The following SLC25A26 variants were observed in gnomAD, a reference collection of about 807,000 sequenced individuals.
SLC25A26 encodes the protein solute carrier family 25 member 26, also known as mitochondrial S-adenosylmethionine carrier protein.
SLC25A26 carries 36 observed loss-of-function variants against 37.8 expected under a neutral mutation model. The observed-to-expected ratio is 0.95, with a 90% CI of 0.73 to 1.26. SLC25A26 has a LOEUF of 1.26. Among genes scored for constraint, SLC25A26 ranks in the 50% most tolerant of loss-of-function variants. The pLI is 0.00. For synonymous variants in SLC25A26, 129 were observed against 122.5 expected (o/e 1.05, Z -0.35); for missense variants, 390 against 331.1 (o/e 1.18, Z -1.38).
intron 5 of SLC25A26, among the ~76,000 whole-genome samples, chr3:66,266,513 A>C (rs1263703981): frequency 1.3e-5 from 2 of 150,446 alleles, no homozygotes; most frequent in East Asian, 3.9e-4. Context: ...ATGAGATTGA[A>C]GTTTGAGTCC....
intron 1 of SLC25A26, among the ~76,000 whole-genome samples, chr3:66,224,233 G>T (rs782763270): frequency 6.6e-6 from 1 of 152,152 alleles, no homozygotes; most frequent in Admixed American, 6.5e-5. Context: ...GGATTACATC[G>T]TGTTAGTCTG....
At chr3:66,332,915 G>A (rs938817805) in intron 5 of SLC25A26, among the ~76,000 whole-genome samples, 3 of 152,206 alleles carry the variant, frequency 2.0e-5, no homozygotes, top group East Asian at 1.9e-4. Flanking sequence ...TATGTGGGTG[G>A]TGTATTTTCT....
intron 5 of SLC25A26, among the ~76,000 whole-genome samples, chr3:66,317,653 T>C (rs2075575816): frequency 1.3e-5 from 2 of 152,186 alleles, no homozygotes; most frequent in African/African-American, 2.4e-5. Context: ...GGGTGTGCTG[T>C]GCTGTGGGGA....
intron 1 of SLC25A26, among the ~76,000 whole-genome samples, chr3:66,138,268 T>C (rs1400359376): frequency 6.6e-6 from 1 of 152,182 alleles, no homozygotes; most frequent in Non-Finnish European, 1.5e-5. Flanking sequence ...GTATACAATG[T>C]ATACATCTGA....
At chr3:66,143,097 A>C (rs79582480) in intron 1 of SLC25A26, among the ~76,000 whole-genome samples, 1 of 152,110 alleles carries the variant, frequency 6.6e-6, no homozygotes, top group African/African-American at 2.4e-5. Flanking sequence ...CGCCTCAGCT[A>C]TGAACCTAGC....
intron 5 of SLC25A26, among the ~76,000 whole-genome samples, chr3:66,289,121 T>A (rs1036388917): frequency 2.1e-4 from 32 of 152,244 alleles, no homozygotes; most frequent in African/African-American, 7.7e-4. Context: ...CACATAAATG[T>A]CTTTTTTTGA....
intron 1 of SLC25A26, among the ~76,000 whole-genome samples, chr3:66,179,323 T>C (rs895067606): frequency 2.6e-5 from 4 of 152,242 alleles, no homozygotes; most frequent in African/African-American, 9.6e-5. Flanking sequence ...TCTAATTTAA[T>C]GTGTGTTGAT....
chr3:66,306,817 C>A (rs973667300), intron 5 of SLC25A26, among the ~76,000 whole-genome samples: 6 of 152,204 alleles, frequency 3.9e-5, no homozygotes, highest in African/African-American at 1.4e-4. Flanking sequence ...TCATCCATGT[C>A]CCTGCAAAGG....
intron 5 of SLC25A26, among the ~76,000 whole-genome samples, chr3:66,270,464 G>T (rs1185115095): frequency 6.6e-6 from 1 of 152,040 alleles, no homozygotes; most frequent in Non-Finnish European, 1.5e-5. Flanking sequence ...CTAGCTTCAT[G>T]GGAAAAGAAA....
intron 3 of SLC25A26, among the ~76,000 whole-genome samples, chr3:66,252,430 G>A (rs1434803470): frequency 2.0e-5 from 3 of 152,218 alleles, no homozygotes; most frequent in African/African-American, 7.2e-5. Context: ...GAGGTAGCAA[G>A]GTATGGACCA....
rs149280402 is a variant in SLC25A26 at position 66,242,745 on chromosome 3, G to A, written c.191-458G>A. Among the ~76,000 whole-genome samples, 724 of 152,256 alleles carry A rather than the reference G, an allele frequency of 4.8e-3. 13 individuals carry two copies. Among genetic ancestry groups the A allele is most frequent in the African/African-American group, 0.013 (525 of 41,554 alleles). On this transcript the variant is annotated intron_variant, in intron 2 of 9. Coordinates refer to ENST00000354883, the MANE Select transcript of SLC25A26 (RefSeq NM_001379210.1). The stretch of plus-strand genomic sequence containing the variant: ...AATTCATGCAGTAAAAAATAGCCAT[G>A]ATTATTTTGAGTAACCAGTAATAAA...
At chr3:66,306,728 C>T (rs1460126009) in intron 5 of SLC25A26, among the ~76,000 whole-genome samples, 1 of 152,156 alleles carries the variant, frequency 6.6e-6, no homozygotes, top group Non-Finnish European at 1.5e-5. Flanking sequence ...CATTGTTCAC[C>T]TCCCACTTAT....
At chr3:66,293,600 C>G (rs552616232) in intron 5 of SLC25A26, among the ~76,000 whole-genome samples, 2 of 151,628 alleles carry the variant, frequency 1.3e-5, no homozygotes, top group Admixed American at 1.3e-4. Context: ...TCTATGTGTT[C>G]TCATCATTTA....
chr3:66,373,039 T>C (rs960663603), intron 9 of SLC25A26, among the ~76,000 whole-genome samples: 3 of 152,216 alleles, frequency 2.0e-5, no homozygotes, highest in African/African-American at 7.2e-5. Flanking sequence ...AGTACACATA[T>C]AAACAGAAAT....
intron 3 of SLC25A26, among the ~76,000 whole-genome samples, chr3:66,255,001 T>C (rs2073244390): frequency 6.6e-6 from 1 of 152,220 alleles, no homozygotes; most frequent in Admixed American, 6.5e-5. Context: ...GAAGGGAACT[T>C]GGCTGTGGCA....
At chr3:66,282,220 C>G in intron 5 of SLC25A26, among the ~76,000 whole-genome samples, 1 of 151,678 alleles carries the variant, frequency 6.6e-6, no homozygotes, top group Non-Finnish European at 1.5e-5. Context: ...ACCTTGTTAG[C>G]CAGGATGGTC....
At chr3:66,230,363 G>A (rs2071954454) in intron 1 of SLC25A26, among the ~76,000 whole-genome samples, 6 of 152,136 alleles carry the variant, frequency 3.9e-5, no homozygotes, top group South Asian at 2.1e-4. Flanking sequence ...TGGAAAATTG[G>A]GAAAGGCTTT....
intron 3 of SLC25A26, chr3:66,261,768 GCTT>G (rs888153939): frequency 2.7e-5 from 7 of 257,934 alleles, no homozygotes; most frequent in Non-Finnish European, 4.3e-5. Context: ...GAGTAAATGT[GCTT>G]CTTGCCGTTG....
intron 1 of SLC25A26, among the ~76,000 whole-genome samples, chr3:66,148,146 A>T (rs901803844): frequency 2.0e-5 from 3 of 152,156 alleles, no homozygotes; most frequent in African/African-American, 7.2e-5. Context: ...ATGATTAATG[A>T]TGTTGAGCAT....
Sources: allele counts gnomAD v4.1 joint callset (sites outside exome capture counted in the v4.1 genomes callset), GRCh38; gene constraint gnomAD v4.1.1; transcripts MANE v1.5; gene names NCBI Gene and HGNC (gene_info 2026-07-23, HGNC 2026-07-21).